Variants in DAPK2 observed in about 807,000 individuals in gnomAD.
The protein encoded by DAPK2 is death associated protein kinase 2.
A neutral mutation model predicts 44.1 loss-of-function variants in DAPK2; 35 were observed. That is an observed-to-expected ratio of 0.79 (90% CI 0.61 to 1.05). The LOEUF (loss-of-function observed/expected upper bound fraction) is 1.05, where lower values mean the gene tolerates loss of function less well. DAPK2 is among the 50% of genes least tolerant of loss of function. The pLI, the probability that DAPK2 is intolerant of heterozygous loss-of-function variation, is 0.00. For missense variants in DAPK2, 453 were observed against 483.2 expected, an observed-to-expected ratio of 0.94 and a Z score of 0.59; for synonymous variants, 174 against 182.6, an observed-to-expected ratio of 0.95 and a Z score of 0.38.
chr15:64,000,121 A>C (rs779322686), intron 1 of DAPK2, among the ~76,000 whole-genome samples: 3 of 152,016 alleles, frequency 2.0e-5, no homozygotes, highest in Non-Finnish European at 4.4e-5. Context: ...AGATCAAAGC[A>C]TCTTTGCTTT....
chr15:63,927,903 C>A (rs1041297270), intron 6 of DAPK2, among the ~76,000 whole-genome samples: 1 of 152,130 alleles, frequency 6.6e-6, no homozygotes, highest in Admixed American at 6.5e-5. Flanking sequence ...TGCCACCACA[C>A]CTAGCTAGTT....
intron 3 of DAPK2, among the ~76,000 whole-genome samples, chr15:63,945,112 C>T (rs892990682): frequency 1.3e-5 from 2 of 152,130 alleles, no homozygotes; most frequent in African/African-American, 4.8e-5. Context: ...TGATCCTCCC[C>T]GCTCAGCCTC....
rs1258106188 is a variant in DAPK2 at position 63,910,871 on chromosome 15, T to C, written c.1032+1037A>G. ...CTACTGCCAGCCTACAGGAAGGTTTTAAACAACAACAATTGCTAACGCTTA... is the reference window on the plus strand; with the variant it reads ...CTACTGCCAGCCTACAGGAAGGTTTCAAACAACAACAATTGCTAACGCTTA... On this transcript the variant is annotated intron_variant, in intron 10 of 10. Coordinates refer to ENST00000261891, the Ensembl canonical transcript of DAPK2. 3.3e-5 allele frequency: 5 copies of C among 152,226 alleles called. No individual in the cohort carries two copies. The East Asian group carries it at 9.6e-4, about 29-fold the overall frequency. 9.4% of individuals were successfully genotyped at this position (152,226 alleles called of 1,614,324 possible).
chr15:63,992,708 T>C (rs1484894947), intron 1 of DAPK2, among the ~76,000 whole-genome samples: 1 of 152,202 alleles, frequency 6.6e-6, no homozygotes, highest in East Asian at 1.9e-4. Context: ...GCCCTTTCCT[T>C]TCCTCCTTGT....
chr15:63,976,644 G>A (rs1336391251), intron 2 of DAPK2, among the ~76,000 whole-genome samples: 3 of 152,184 alleles, frequency 2.0e-5, no homozygotes, highest in Admixed American at 1.3e-4. Context: ...GGTCGAGGCT[G>A]TAGTGAGCCG....
rs753979326 is a variant in DAPK2, at chr15:63,939,269, A to G, written c.546T>C (p.Val182=). 4 of 1,614,098 alleles carry G rather than the reference A, an allele frequency of 2.5e-6. No homozygotes were observed. In the South Asian group the frequency reaches 4.4e-5, roughly 18 times the overall value. Reference sequence around the variant, plus strand: ...GCGTCCCAAAAATATTCTTAAATTCAACTCCATCTTCTATTTCGTGAGCCA... The same window carrying G: ...GCGTCCCAAAAATATTCTTAAATTCGACTCCATCTTCTATTTCGTGAGCCA... Residue 182 remains valine, a synonymous_variant, in exon 4 of 11, where the codon GTT becomes GTC. Coordinates refer to ENST00000261891, the Ensembl canonical transcript of DAPK2. This position sits in a 1 kb window ranked among gnomAD's most constrained non-coding sequence, Gnocchi z 4.3.
At chr15:63,994,244 GTGT>G (rs1331468944) in intron 1 of DAPK2, among the ~76,000 whole-genome samples, 2 of 152,198 alleles carry the variant, frequency 1.3e-5, no homozygotes, top group Non-Finnish European at 2.9e-5. Flanking sequence ...TATTCAGCCA[GTGT>G]TTGTAGAAAT....
At chr15:63,922,913 A>T in intron 8 of DAPK2, 4 of 1,535,918 alleles carry the variant, frequency 2.6e-6, no homozygotes, top group Non-Finnish European at 3.5e-6. Context: ...CTCCTGCCTC[A>T]GAATCTCAAA....
intron 2 of DAPK2, among the ~76,000 whole-genome samples, chr15:63,972,109 T>TTTTG (rs1250454067): frequency 2.0e-5 from 3 of 152,250 alleles, no homozygotes; most frequent in Non-Finnish European, 4.4e-5. Context: ...GACAGCCATC[T>TTTTG]ATGAGGAAGT....
rs1031516568 is a variant in DAPK2 at position 63,990,553 on chromosome 15, G to A, written c.93-6799C>T. ...CACCAGTCTATCAAGGTGGAAATGAGGTAGAGCTGCATAGAACGCAGGGCC... is the reference window on the plus strand; with the variant it reads ...CACCAGTCTATCAAGGTGGAAATGAAGTAGAGCTGCATAGAACGCAGGGCC... On this transcript the variant is annotated intron_variant, in intron 1 of 10. Transcript: ENST00000261891. This position sits in a 1 kb window ranked among gnomAD's most constrained non-coding sequence, Gnocchi z 4.3. Among the ~76,000 whole-genome samples the A allele has an allele frequency of 2.6e-5, 4 of 152,224 alleles. No individual in the cohort carries two copies. The highest frequency in any genetic ancestry group is 4.4e-5 in the Non-Finnish European group (3 of 68,042).
intron 2 of DAPK2, among the ~76,000 whole-genome samples, chr15:63,973,499 T>C (rs1181526601): frequency 1.3e-5 from 2 of 152,246 alleles, no homozygotes; most frequent in Non-Finnish European, 2.9e-5. Context: ...AATGGGAATG[T>C]GTATCCTCTG....
At chr15:64,015,531 C>T (rs187208015) in intron 1 of DAPK2, among the ~76,000 whole-genome samples, 32 of 152,234 alleles carry the variant, frequency 2.1e-4, no homozygotes, top group African/African-American at 7.5e-4. Context: ...ATAGTGGCTC[C>T]CTAAAATATA....
At position 63,912,195 on chromosome 15, in the gene DAPK2, C is replaced by T. The variant is rs149186606; in HGVS notation, c.861G>A (p.Pro287=). Residue 287 remains proline (P), a splice_region_variant and synonymous_variant, in exon 9 of 11, where the codon CCG becomes CCA. Transcript: ENST00000261891. The surrounding 1 kb of genome is among the most constrained non-coding windows in gnomAD (Gnocchi z 4.4). ...GCACCATGGCTTGCTGGTTGTCCAC[C>T]GGCTGAGAGACAAAGCAGAGCATGG... The T allele has an allele frequency of 2.0e-3, 3,240 of 1,614,012 alleles. 78 individuals are homozygous for T. In the South Asian group the frequency reaches 0.033, roughly 17 times the overall value.
chr15:63,996,050 C>G (rs2078942816), intron 1 of DAPK2, among the ~76,000 whole-genome samples: 1 of 152,168 alleles, frequency 6.6e-6, no homozygotes, highest in South Asian at 2.1e-4. Context: ...CTATGATGAC[C>G]TAGATGTTGG....
intron 1 of DAPK2, among the ~76,000 whole-genome samples, chr15:64,031,331 C>T (rs2141145233): frequency 6.6e-6 from 1 of 152,026 alleles, no homozygotes; most frequent in East Asian, 1.9e-4. Context: ...TTCCCATGCT[C>T]AAGCAATCCT....
chr15:63,995,487 GTT>G (rs1353011917), intron 1 of DAPK2, among the ~76,000 whole-genome samples: 1 of 152,206 alleles, frequency 6.6e-6, no homozygotes, highest in Non-Finnish European at 1.5e-5. Context: ...GTGGTAACAA[GTT>G]TTTTCCCTTC....
intron 1 of DAPK2, among the ~76,000 whole-genome samples, chr15:64,006,182 C>A (rs1277017905): frequency 6.6e-6 from 1 of 152,178 alleles, no homozygotes; most frequent in Non-Finnish European, 1.5e-5. Flanking sequence ...GTGGTCTCCG[C>A]TCACCACACT....
At chr15:63,989,039 G>T (rs987795784) in intron 1 of DAPK2, among the ~76,000 whole-genome samples, 7 of 151,702 alleles carry the variant, frequency 4.6e-5, no homozygotes, top group African/African-American at 7.3e-5. Context: ...AATTAGCCAG[G>T]CATGGTGGTG....
chr15:63,999,882 C>A (rs752513877), intron 1 of DAPK2, among the ~76,000 whole-genome samples: 14 of 152,046 alleles, frequency 9.2e-5, no homozygotes, highest in Non-Finnish European at 1.8e-4. Flanking sequence ...CCTCCTACCT[C>A]AGCCTCCTGA....
Sources: gnomAD v4.1 joint callset for allele counts (sites outside exome capture counted in the v4.1 genomes callset) on GRCh38, gnomAD v4.1.1 for gene constraint, Gnocchi (gnomAD v3.1) non-coding constraint, MANE v1.5 for transcripts, NCBI Gene and HGNC (gene_info 2026-07-23, HGNC 2026-07-21) for gene names.